Variants in RAB10 observed in about 807,000 individuals in gnomAD.
RAB10 encodes ras-related protein Rab-10.
In RAB10, 5 loss-of-function variants were observed where a neutral mutation model predicts 25.7. The ratio of observed to expected loss-of-function variants is 0.19; its 90% CI spans 0.10 to 0.41. The LOEUF (loss-of-function observed/expected upper bound fraction) is 0.41, where lower values mean the gene tolerates loss of function less well. Among genes scored for constraint, RAB10 ranks in the 10% least tolerant of loss-of-function variants. The probability of loss-of-function intolerance (pLI) is 1.00; values close to 1 mark genes in which losing one functional copy is unlikely to be tolerated. For synonymous variants in RAB10, 89 were observed against 86.4 expected, an observed-to-expected ratio of 1.03 and a Z score of -0.16; for missense variants, 103 against 245.8, an observed-to-expected ratio of 0.42 and a Z score of 3.89.
At chr2:26,122,615 G>A (rs1467725354) in intron 3 of RAB10, among the ~76,000 whole-genome samples, 2 of 148,878 alleles carry the variant, frequency 1.3e-5, no homozygotes, top group Admixed American at 6.7e-5. Context: ...GCGACAGAGC[G>A]ACTCTGTCTC....
At chr2:26,041,487 G>T (rs1665883736) in intron 1 of RAB10, among the ~76,000 whole-genome samples, 1 of 144,504 alleles carries the variant, frequency 6.9e-6, no homozygotes, top group South Asian at 2.2e-4. Context: ...AGGTTGCAGT[G>T]AGTTGAGCTC....
chr2:26,092,439 C>T (rs1403000692), intron 1 of RAB10, among the ~76,000 whole-genome samples: 1 of 151,788 alleles, frequency 6.6e-6, no homozygotes, highest in Non-Finnish European at 1.5e-5. Context: ...TTGGTAAAAA[C>T]AAAAAGTGAA....
At chr2:26,088,856 C>G (rs924427209) in intron 1 of RAB10, among the ~76,000 whole-genome samples, 1 of 151,932 alleles carries the variant, frequency 6.6e-6, no homozygotes. Flanking sequence ...AACTCCTGAC[C>G]TCGTGATCCG....
At chr2:26,101,026 T>C (rs1309945104) in intron 2 of RAB10, among the ~76,000 whole-genome samples, 1 of 152,078 alleles carries the variant, frequency 6.6e-6, no homozygotes, top group East Asian at 1.9e-4. Flanking sequence ...CTAGATAGAA[T>C]GATCAGGGAG....
At chr2:26,107,677 T>TC (rs1667493139) in intron 2 of RAB10, among the ~76,000 whole-genome samples, 8 of 151,950 alleles carry the variant, frequency 5.3e-5, no homozygotes, top group Non-Finnish European at 4.4e-5. Flanking sequence ...GCGCCTGTGA[T>TC]CCCAGCTACT....
intron 1 of RAB10, among the ~76,000 whole-genome samples, chr2:26,043,168 C>T (rs1017847888): frequency 3.9e-5 from 6 of 152,040 alleles, no homozygotes; most frequent in Admixed American, 2.0e-4. Flanking sequence ...GGCTTATGCC[C>T]GTAAATCCCA....
At chr2:26,103,615 A>T (rs1667388995) in intron 2 of RAB10, among the ~76,000 whole-genome samples, 1 of 152,224 alleles carries the variant, frequency 6.6e-6, no homozygotes, top group African/African-American at 2.4e-5. Flanking sequence ...TTCACATACC[A>T]TACAATATAC....
At chr2:26,042,097 G>C (rs1665903678) in intron 1 of RAB10, among the ~76,000 whole-genome samples, 1 of 152,110 alleles carries the variant, frequency 6.6e-6, no homozygotes, top group Non-Finnish European at 1.5e-5. Flanking sequence ...CAAGCTTTTA[G>C]TGGGCTGCTT....
chr2:26,095,304 G>A (rs1667188186), intron 1 of RAB10, among the ~76,000 whole-genome samples: 1 of 152,044 alleles, frequency 6.6e-6, no homozygotes, highest in African/African-American at 2.4e-5. Flanking sequence ...TTCTCAGTAT[G>A]GCTGTTAAAA....
chr2:26,108,934 C>T (rs958283700), intron 2 of RAB10, among the ~76,000 whole-genome samples: 72 of 150,572 alleles, frequency 4.8e-4, no homozygotes, highest in Middle Eastern at 3.5e-3. Context: ...TATTTTGAGA[C>T]GGAGTCTCGC....
intron 1 of RAB10, among the ~76,000 whole-genome samples, chr2:26,055,885 G>C (rs1666251930): frequency 6.6e-6 from 1 of 150,428 alleles, no homozygotes; most frequent in Admixed American, 6.8e-5. Context: ...CCTCCAGAAA[G>C]ATGTAGAACT....
At position 26,135,155 on chromosome 2, in the gene RAB10, T is replaced by C; in HGVS notation, c.*134T>C. The C allele has an allele frequency of 1.6e-6, 1 of 615,066 alleles. No homozygotes were observed. The highest frequency in any genetic ancestry group is 2.6e-6 in the Non-Finnish European group (1 of 380,418). 38.1% of individuals were successfully genotyped at this position (615,066 alleles called of 1,614,324 possible). On this transcript the variant is annotated 3_prime_UTR_variant, in exon 6 of 6. Transcript: ENST00000264710. ...TCTTAACTATCCAAGCCACCTATTT[T>C]ATTTGTTCTTTCATCTGTGACTGCT... is the stretch of plus-strand genomic sequence containing the variant.
At chr2:26,048,351 C>T (rs1666060169) in intron 1 of RAB10, among the ~76,000 whole-genome samples, 1 of 152,200 alleles carries the variant, frequency 6.6e-6, no homozygotes, top group African/African-American at 2.4e-5. Context: ...TGCACTTTCT[C>T]TGCATCCTCA....
intron 3 of RAB10, among the ~76,000 whole-genome samples, chr2:26,114,317 T>G (rs966284778): frequency 6.6e-6 from 1 of 152,080 alleles, no homozygotes; most frequent in East Asian, 1.9e-4. Context: ...AGTTGTAAGA[T>G]TTATACTTTC....
In RAB10 at chr2:26,120,620, C is replaced by T. The variant is rs373366267; in HGVS notation, c.328-6524C>T. 1.5e-4 allele frequency among the ~76,000 whole-genome samples: 23 copies of T among 151,774 alleles called. No homozygotes were observed. The South Asian group carries it at 4.2e-3, about 27-fold the overall frequency. ...TTTTTTTTTTCTTGAGACGGAGTCT[C>T]GCTCTGTTGCCCAGGCTGGAGTGCA... On this transcript the variant is annotated intron_variant, in intron 3 of 5. Coordinates refer to ENST00000264710, the MANE Select transcript of RAB10 (RefSeq NM_016131.5).
At chr2:26,122,701 C>T (rs550901633) in intron 3 of RAB10, among the ~76,000 whole-genome samples, 1 of 151,750 alleles carries the variant, frequency 6.6e-6, no homozygotes, top group Admixed American at 6.6e-5. Flanking sequence ...TATATGACAA[C>T]TTAAAGCAAA....
intron 5 of RAB10, among the ~76,000 whole-genome samples, chr2:26,131,061 A>T (rs1668004223): frequency 2.1e-5 from 3 of 144,408 alleles, no homozygotes; most frequent in African/African-American, 2.6e-5. Context: ...AGTGCTATAT[A>T]GCCATTATAT....
chr2:26,133,772 C>G (rs1349885942), intron 5 of RAB10, among the ~76,000 whole-genome samples: 2 of 151,960 alleles, frequency 1.3e-5, no homozygotes, highest in Non-Finnish European at 2.9e-5. Context: ...CTCCCGAGTT[C>G]AAGCGATTCT....
At chr2:26,118,355 A>T (rs1667735944) in intron 3 of RAB10, among the ~76,000 whole-genome samples, 1 of 146,784 alleles carries the variant, frequency 6.8e-6, no homozygotes, top group African/African-American at 2.5e-5. Context: ...ACTGTTTCCC[A>T]GGCTGGAGTG....
Sources: allele counts gnomAD v4.1 joint callset (sites outside exome capture counted in the v4.1 genomes callset), GRCh38; gene constraint gnomAD v4.1.1; transcripts MANE v1.5; gene names NCBI Gene and HGNC (gene_info 2026-07-23, HGNC 2026-07-21).